Variants in TBC1D22B observed in about 807,000 individuals in gnomAD.
TBC1D22B encodes chromosome 6 open reading frame 197.
In TBC1D22B, 32 loss-of-function variants were observed where a neutral mutation model predicts 69.1. The observed-to-expected ratio is 0.46, with a 90% confidence interval of 0.35 to 0.62. The LOEUF is 0.62. Among genes scored for constraint, TBC1D22B ranks in the 20% least tolerant of loss-of-function variants. TBC1D22B has a pLI of 0.00. For synonymous variants in TBC1D22B, 206 were observed against 229.8 expected (o/e 0.90, Z 0.94); for missense variants, 462 against 630.9 (o/e 0.73, Z 2.87).
intron 8 of TBC1D22B, among the ~76,000 whole-genome samples, chr6:37,299,462 T>G (rs1424357746): frequency 6.6e-6 from 1 of 152,254 alleles, no homozygotes; most frequent in African/African-American, 2.4e-5. Flanking sequence ...TACTTGTGTC[T>G]CTTTATGTAG....
rs867069022 is a variant in TBC1D22B at position 37,268,778 on chromosome 6, A to G, written c.57-816A>G. Among the ~76,000 whole-genome samples, 233 of 152,338 alleles carry G rather than the reference A, an allele frequency of 1.5e-3. 1 individual carries two copies. The highest frequency in any genetic ancestry group is 5.3e-3 in the African/African-American group (220 of 41,580). On this transcript the variant is annotated intron_variant, in intron 1 of 12. Transcript: ENST00000373491. ...TTTGTCAGTTTTTGAAGTCTATATA[A>G]GTCGAATCATAACAGTATTTATTCT...
chr6:37,292,484 C>T (rs1767218460), intron 8 of TBC1D22B, among the ~76,000 whole-genome samples: 1 of 152,082 alleles, frequency 6.6e-6, no homozygotes, highest in South Asian at 2.1e-4. Context: ...CTCCCCACCC[C>T]CCCGCCTTAA....
chr6:37,306,106 G>A (rs1224437776), intron 8 of TBC1D22B, among the ~76,000 whole-genome samples: 1 of 152,308 alleles, frequency 6.6e-6, no homozygotes, highest in South Asian at 2.1e-4. Context: ...CAGTGTGTGC[G>A]TTTGGTGGGA....
intron 1 of TBC1D22B, among the ~76,000 whole-genome samples, chr6:37,265,641 A>G (rs1481910277): frequency 3.3e-5 from 5 of 151,534 alleles, no homozygotes; most frequent in African/African-American, 9.7e-5. Flanking sequence ...TGCCTAGGAA[A>G]CCCTTTAAAC....
intron 12 of TBC1D22B, chr6:37,324,399 C>T (rs758931334): frequency 1.1e-5 from 5 of 456,312 alleles, no homozygotes; most frequent in African/African-American, 2.0e-5. Flanking sequence ...TGTGACACAT[C>T]TACAGCAGGT....
chr6:37,325,655 T>G (rs1404658339), intron 12 of TBC1D22B, among the ~76,000 whole-genome samples: 1 of 150,360 alleles, frequency 6.7e-6, no homozygotes, highest in Non-Finnish European at 1.5e-5. Flanking sequence ...GTTCAAGCAA[T>G]TCTTCTGCCT....
intron 2 of TBC1D22B, among the ~76,000 whole-genome samples, chr6:37,272,804 G>C (rs745881515): frequency 5.9e-5 from 9 of 152,336 alleles, no homozygotes; most frequent in Middle Eastern, 6.8e-3. Flanking sequence ...CTGTTGGCCA[G>C]TGAGGCAGGC....
At chr6:37,301,711 T>C (rs1282182558) in intron 8 of TBC1D22B, among the ~76,000 whole-genome samples, 1 of 152,206 alleles carries the variant, frequency 6.6e-6, no homozygotes, top group African/African-American at 2.4e-5. Context: ...CAGAGATAGA[T>C]ACAACATTGT....
chr6:37,294,986 G>C (rs1767312922), intron 8 of TBC1D22B, among the ~76,000 whole-genome samples: 1 of 152,134 alleles, frequency 6.6e-6, no homozygotes, highest in Non-Finnish European at 1.5e-5. Flanking sequence ...ATCTACTCCT[G>C]GTGAAGATGC....
At chr6:37,319,621 C>A in intron 12 of TBC1D22B, among the ~76,000 whole-genome samples, 1 of 152,216 alleles carries the variant, frequency 6.6e-6, no homozygotes, top group East Asian at 1.9e-4. Context: ...CTATTGTCTG[C>A]TGCTGTATTA....
intron 6 of TBC1D22B, among the ~76,000 whole-genome samples, chr6:37,285,011 C>G (rs956173507): frequency 2.6e-5 from 4 of 152,188 alleles, no homozygotes; most frequent in Non-Finnish European, 5.9e-5. Context: ...GTCAGGGAGT[C>G]TTCTGTCATT....
intron 12 of TBC1D22B, among the ~76,000 whole-genome samples, chr6:37,325,219 TC>T (rs1286337048): frequency 2.0e-5 from 3 of 152,208 alleles, no homozygotes; most frequent in Non-Finnish European, 4.4e-5. Context: ...TATTGCCTTT[TC>T]CTGTGTGAAT....
At chr6:37,323,161 A>G (rs534177824) in intron 12 of TBC1D22B, among the ~76,000 whole-genome samples, 2 of 152,320 alleles carry the variant, frequency 1.3e-5, no homozygotes, top group African/African-American at 4.8e-5. Flanking sequence ...GCAAGGCCTC[A>G]GAGGGCTCAG....
Position 37,279,420 on chromosome 6 carries a change from A to G in TBC1D22B, c.230A>G (p.Glu77Gly). ...GCTTGGGACATTGGCGATGATGAGG[A>G]AGAGGACTTTTCCTCACCTTCTTTC... is the stretch of plus-strand genomic sequence containing the variant. ...SDAWDIGDDE[E>G]EDFSSPSFQT... The change falls in exon 3 of 13, where the codon GAA becomes GGA. Residue 77 changes from glutamate to glycine, a missense_variant. Around this residue, in one of 2 missense-constraint regions of TBC1D22B, gnomAD observed 237 missense variants for 255.4 expected, o/e 0.93. Transcript: ENST00000373491. 2 of 1,614,214 alleles carry G rather than the reference A, an allele frequency of 1.2e-6. No individual in the cohort carries two copies. Among genetic ancestry groups the G allele is most frequent in the Non-Finnish European group, 1.7e-6 (2 of 1,180,040 alleles).
intron 8 of TBC1D22B, among the ~76,000 whole-genome samples, chr6:37,296,469 G>A (rs759860514): frequency 6.6e-5 from 10 of 152,050 alleles, no homozygotes; most frequent in South Asian, 2.1e-4. Context: ...TCACCTCAGC[G>A]TCCTGGATAG....
Position 37,282,439 on chromosome 6 carries a change from C to T in TBC1D22B, c.601+75C>T, listed in dbSNP as rs966052164. 4.1e-6 allele frequency: 6 copies of T among 1,452,376 alleles called. No individual in the cohort carries two copies. The South Asian group carries it at 4.2e-5, about 10-fold the overall frequency. 90.0% of individuals were successfully genotyped at this position (1,452,376 alleles called of 1,614,324 possible). A position where few individuals can be genotyped will look rare whatever the true frequency, so the allele number is the denominator to read the frequency against. On this transcript the variant is annotated intron_variant, in intron 4 of 12. Transcript: ENST00000373491. ...TCTCAGAGACCTGGAAGCTACTGCTCTTTATTCTTCCTTCTTTTACTTTTC... is the reference window on the plus strand; with the variant it reads ...TCTCAGAGACCTGGAAGCTACTGCTTTTTATTCTTCCTTCTTTTACTTTTC...
At chr6:37,329,506 G>T (rs1292097077) in intron 12 of TBC1D22B, among the ~76,000 whole-genome samples, 2 of 152,224 alleles carry the variant, frequency 1.3e-5, no homozygotes, top group African/African-American at 4.8e-5. Flanking sequence ...AGAGTTAGAA[G>T]CAGAGTTGCT....
chr6:37,313,130 A>G, intron 9 of TBC1D22B, 106 bp downstream of exon 9: 1 of 799,344 alleles, frequency 1.3e-6, no homozygotes, highest in Non-Finnish European at 2.2e-6. Context: ...CCACCCACCC[A>G]CCCACTATGG....
intron 8 of TBC1D22B, among the ~76,000 whole-genome samples, chr6:37,291,727 C>G (rs754801821): frequency 6.6e-6 from 1 of 152,172 alleles, no homozygotes; most frequent in Non-Finnish European, 1.5e-5. Flanking sequence ...AGTTCACTTG[C>G]TGTATCTTAG....
Sources: allele counts gnomAD v4.1 joint callset (sites outside exome capture counted in the v4.1 genomes callset), GRCh38; gene constraint gnomAD v4.1.1; regional missense constraint gnomAD v4.1.1; transcripts MANE v1.5; gene names NCBI Gene and HGNC (gene_info 2026-07-23, HGNC 2026-07-21).